CACNA1E: variants seen among roughly 807,000 people sequenced by gnomAD.
CACNA1E encodes voltage-dependent R-type calcium channel subunit alpha-1E.
In CACNA1E, 40 loss-of-function variants were observed where a neutral mutation model predicts 259.2. That is an observed-to-expected ratio of 0.15 (90% CI 0.12 to 0.20). The LOEUF (loss-of-function observed/expected upper bound fraction) is 0.20, where lower values mean the gene tolerates loss of function less well. Ranked by LOEUF, CACNA1E falls within the 10% of genes least tolerant of loss-of-function variation. The pLI is 1.00. For synonymous variants in CACNA1E, 1,104 were observed against 1,138.5 expected, an observed-to-expected ratio of 0.97 and a Z score of 0.61; for missense variants, 1,874 against 3,040.1, an observed-to-expected ratio of 0.62 and a Z score of 9.02.
Position 181,579,180 on chromosome 1 carries a change from TC to T in CACNA1E, c.726del (p.Tyr243ThrfsTer11). The T allele has an allele frequency of 6.2e-7, 1 of 1,613,822 alleles. No homozygotes were observed. Among genetic ancestry groups the T allele is most frequent in the Non-Finnish European group, 8.5e-7 (1 of 1,179,754 alleles). Reference sequence around the variant, plus strand: ...ATGTTTGCTATCATTGGTTTGGAGTTCTACAGTGGCAAGTTACATCGAGCAT... The same window carrying T: ...ATGTTTGCTATCATTGGTTTGGAGTTTACAGTGGCAAGTTACATCGAGCAT... Reference protein sequence around the residue: ...ILMFAIIGLEFYSGKLHRACF... With the variant: ...ILMFAIIGLEXYSGKLHRACF... On this transcript the variant is annotated frameshift_variant, in exon 5 of 48. Coordinates refer to ENST00000367573, the MANE Select transcript of CACNA1E (RefSeq NM_001205293.3). LOFTEE classifies it high-confidence loss of function.
chr1:181,358,682 A>G (rs1653634996), intron 1 of CACNA1E, among the ~76,000 whole-genome samples: 1 of 152,174 alleles, frequency 6.6e-6, no homozygotes, highest in Non-Finnish European at 1.5e-5. Flanking sequence ...GAATCTGGCC[A>G]TCACAGAGCT....
intron 1 of CACNA1E, among the ~76,000 whole-genome samples, chr1:181,498,190 A>T (rs1471753275): frequency 1.3e-5 from 2 of 152,142 alleles, no homozygotes; most frequent in Admixed American, 1.3e-4. Context: ...GAAATTTTAC[A>T]TACTGAATGC....
intron 7 of CACNA1E, among the ~76,000 whole-genome samples, chr1:181,662,725 G>A (rs1254343057): frequency 6.6e-6 from 1 of 152,178 alleles, no homozygotes; most frequent in Non-Finnish European, 1.5e-5. Context: ...CTGGGAAAGA[G>A]CCATTCTTAC....
chr1:181,330,096 C>T (rs147308007), intron 1 of CACNA1E, among the ~76,000 whole-genome samples: 2 of 152,282 alleles, frequency 1.3e-5, no homozygotes, highest in African/African-American at 2.4e-5. Context: ...GCTGCCTTAC[C>T]AGCCTCATGC....
chr1:181,490,543 G>GTTT (rs34093740), intron 1 of CACNA1E, among the ~76,000 whole-genome samples: 1,393 of 125,240 alleles, frequency 0.011, 24 homozygotes, highest in African/African-American at 0.018. Context: ...TGCCAAGCAT[G>GTTT]TTTTTTTTTT....
chr1:181,622,850 T>A (rs1412269502), intron 6 of CACNA1E, among the ~76,000 whole-genome samples: 1 of 152,178 alleles, frequency 6.6e-6, no homozygotes, highest in African/African-American at 2.4e-5. Flanking sequence ...ATCCAGAAGA[T>A]GCAAGGGAGA....
At chr1:181,330,552 T>C (rs1651181605) in intron 1 of CACNA1E, among the ~76,000 whole-genome samples, 1 of 152,216 alleles carries the variant, frequency 6.6e-6, no homozygotes, top group Non-Finnish European at 1.5e-5. Flanking sequence ...GATTCTGTCA[T>C]GTTCTGTCCC....
rs370693562 is a variant in CACNA1E, at chr1:181,358,163, G to A, written c.-15+40040G>A. 2.2e-4 allele frequency among the ~76,000 whole-genome samples: 34 copies of A among 152,284 alleles called. 2 individuals are homozygous for A. The highest frequency in any genetic ancestry group is 1.6e-3 in the Admixed American group (25 of 15,308). ...GCCGGGTCCACAGCTAGCTCTCTAC[G>A]TGGAAGGGGCCAGGTCTTCCTCACT... On this transcript the variant is annotated intron_variant, in intron 1 of 11. Coordinates refer to the CACNA1E transcript ENST00000524607.
At chr1:181,495,009 T>A (rs768360567) in intron 1 of CACNA1E, among the ~76,000 whole-genome samples, 5 of 152,252 alleles carry the variant, frequency 3.3e-5, no homozygotes, top group Non-Finnish European at 7.3e-5. Context: ...TCACATGCTT[T>A]ACTGAAATCA....
intron 6 of CACNA1E, among the ~76,000 whole-genome samples, chr1:181,602,054 G>A (rs1653796133): frequency 6.6e-6 from 1 of 152,186 alleles, no homozygotes; most frequent in South Asian, 2.1e-4. Context: ...TACTCGGTGA[G>A]TTCTTTCCTG....
intron 2 of CACNA1E, among the ~76,000 whole-genome samples, chr1:181,429,278 A>G (rs538873652): frequency 6.6e-6 from 1 of 152,154 alleles, no homozygotes; most frequent in Non-Finnish European, 1.5e-5. Context: ...GCCCTTTTTA[A>G]TGTGGATTAG....
Position 181,710,946 on chromosome 1 carries a change from G to T in CACNA1E, c.1056-8G>T. 4 of 1,594,912 alleles carry T rather than the reference G, an allele frequency of 2.5e-6. No individual in the cohort carries two copies. Among genetic ancestry groups the T allele is most frequent in the Non-Finnish European group, 3.4e-6 (4 of 1,162,870 alleles). On this transcript the variant is annotated splice_polypyrimidine_tract_variant and splice_region_variant and intron_variant, in intron 7 of 47. Transcript: ENST00000367573. ...AAACCCAGTGAATCTTATCCTTCTT[G>T]TCCACAGGGAATTTGCCAAAGAGAG...
Position 181,755,961 on chromosome 1 carries a change from A to G in CACNA1E, c.3995A>G (p.Asn1332Ser). The change falls in exon 29 of 48, where the codon AAC becomes AGC. Residue 1332 changes from asparagine to serine, a missense_variant. Physicochemically the swap from Asn to Ser is conservative, Grantham distance 46. Coordinates refer to ENST00000367573, the MANE Select transcript of CACNA1E (RefSeq NM_001205293.3). Reference sequence around the variant, plus strand: ...CATTTCTGCTCTGGTTTTAGAGGCAACTATGTAGATCATGAGAAAAACAAG... The same window carrying G: ...CATTTCTGCTCTGGTTTTAGAGGCAGCTATGTAGATCATGAGAAAAACAAG... ...SKDTEKECIG[N>S]YVDHEKNKME... 1 of 1,613,744 alleles carries G rather than the reference A, an allele frequency of 6.2e-7. No individual in the cohort carries two copies. The highest frequency in any genetic ancestry group is 8.5e-7 in the Non-Finnish European group (1 of 1,179,746).
intron 3 of CACNA1E, among the ~76,000 whole-genome samples, chr1:181,517,960 T>C (rs910275506): frequency 3.9e-5 from 6 of 152,070 alleles, no homozygotes; most frequent in African/African-American, 1.2e-4. Flanking sequence ...GGTAATAGTA[T>C]GATATCAGTG....
At chr1:181,733,812 A>C in intron 21 of CACNA1E, 62 bp downstream of exon 21, 1 of 1,277,506 alleles carries the variant, frequency 7.8e-7, no homozygotes, top group East Asian at 2.8e-5. Context: ...GGCTGGGGCC[A>C]TGACAATAAA....
At chr1:181,755,529 A>G (rs933679094) in intron 28 of CACNA1E, 132 bp downstream of exon 28, 1 of 738,434 alleles carries the variant, frequency 1.4e-6, no homozygotes, top group African/African-American at 1.7e-5. Context: ...AAAAGACAAA[A>G]TGGAATCAAT....
intron 3 of CACNA1E, among the ~76,000 whole-genome samples, chr1:181,548,911 CAG>C (rs1024010072): frequency 2.6e-5 from 4 of 152,114 alleles, no homozygotes; most frequent in Non-Finnish European, 4.4e-5. Context: ...CTCTGTGGCA[CAG>C]AGAATAAAGC....
At chr1:181,448,965 G>A (rs1571899028) in intron 2 of CACNA1E, among the ~76,000 whole-genome samples, 1 of 152,376 alleles carries the variant, frequency 6.6e-6, no homozygotes, top group African/African-American at 2.4e-5. Context: ...ACGGCCTGGA[G>A]TGGCTGTGCC....
rs549813442 is a variant in CACNA1E, at chr1:181,440,251, G to C, written c.434+26671G>C. 3.9e-5 allele frequency among the ~76,000 whole-genome samples: 6 copies of C among 152,082 alleles called. No individual in the cohort carries two copies. The South Asian group carries it at 1.2e-3, about 32-fold the overall frequency. Reference sequence around the variant, plus strand: ...CTTCCATAGAAGGAGATGAAGGAGCGAAGAATGGAAACTTTCCCATCCCTG... The same window carrying C: ...CTTCCATAGAAGGAGATGAAGGAGCCAAGAATGGAAACTTTCCCATCCCTG... On this transcript the variant is annotated intron_variant, in intron 2 of 11. Transcript: ENST00000524607.
Sources: gnomAD v4.1 joint callset for allele counts (sites outside exome capture counted in the v4.1 genomes callset) on GRCh38, gnomAD v4.1.1 for gene constraint, MANE v1.5 for transcripts, NCBI Gene and HGNC (gene_info 2026-07-23, HGNC 2026-07-21) for gene names.